The following LARS2 variants were observed in gnomAD, a reference collection of about 807,000 sequenced individuals.
LARS2 encodes leucine--tRNA ligase, mitochondrial.
In LARS2, 81 loss-of-function variants were observed where a neutral mutation model predicts 116.6. That is an observed-to-expected ratio of 0.69 (90% CI 0.58 to 0.84). LARS2 has a LOEUF of 0.84. LARS2 is among the 40% of genes least tolerant of loss of function. LARS2 has a pLI of 0.00. For missense variants in LARS2, 968 were observed against 1,114.5 expected (o/e 0.87, Z 1.87); for synonymous variants, 396 against 407.2 (o/e 0.97, Z 0.33).
intron 20 of LARS2, among the ~76,000 whole-genome samples, chr3:45,535,764 ACACCCCCACACCCACAT>A (rs1700695505): frequency 2.8e-5 from 1 of 35,828 alleles, no homozygotes; most frequent in Non-Finnish European, 1.1e-4. Flanking sequence ...ACACACACAC[ACACCCCCACACCCACAT>A]ACACACACAT....
At chr3:45,533,544 C>T (rs1207870911) in intron 20 of LARS2, among the ~76,000 whole-genome samples, 1 of 152,204 alleles carries the variant, frequency 6.6e-6, no homozygotes, top group East Asian at 1.9e-4. Flanking sequence ...CCACTCTCAT[C>T]GCAGAATATA....
chr3:45,422,731 TTC>T (rs774121688), intron 6 of LARS2, among the ~76,000 whole-genome samples: 3 of 152,334 alleles, frequency 2.0e-5, no homozygotes, highest in Non-Finnish European at 2.9e-5. Flanking sequence ...AACAGAAGTT[TTC>T]TCTCATTGTC....
intron 14 of LARS2, among the ~76,000 whole-genome samples, chr3:45,499,454 A>T (rs1008234722): frequency 1.1e-4 from 16 of 139,532 alleles, no homozygotes; most frequent in Non-Finnish European, 1.7e-4. Context: ...AAAGAAAATT[A>T]AAAAAAAAAA....
chr3:45,544,214 G>A (rs1206424748), intron 21 of LARS2, among the ~76,000 whole-genome samples: 9 of 152,214 alleles, frequency 5.9e-5, no homozygotes, highest in Admixed American at 5.2e-4. Flanking sequence ...GCCCACACCA[G>A]GGATACAGAG....
intron 8 of LARS2, among the ~76,000 whole-genome samples, chr3:45,462,199 G>A (rs1699337162): frequency 6.6e-6 from 1 of 152,154 alleles, no homozygotes; most frequent in African/African-American, 2.4e-5. Context: ...GTTCTGGGTT[G>A]TCATCTCAGT....
At chr3:45,417,987 C>A (rs1379689965) in intron 5 of LARS2, among the ~76,000 whole-genome samples, 1 of 152,176 alleles carries the variant, frequency 6.6e-6, no homozygotes, top group East Asian at 1.9e-4. Flanking sequence ...TTTGCCTTCA[C>A]CATTCAGAAG....
intron 7 of LARS2, 68 bp downstream of exon 7, chr3:45,447,048 G>A (rs1699033670): frequency 2.2e-6 from 2 of 914,984 alleles, no homozygotes; most frequent in Non-Finnish European, 1.7e-6. Context: ...TGTAGTAGCA[G>A]CGAAAATGAA....
intron 14 of LARS2, 21 bp downstream of exon 14, chr3:45,496,394 T>C: frequency 6.4e-7 from 1 of 1,557,068 alleles, no homozygotes; most frequent in Non-Finnish European, 8.9e-7. Context: ...CCTGCTGATG[T>C]CTTTGAGCAT....
At chr3:45,507,394 T>C (rs1340670347) in intron 15 of LARS2, among the ~76,000 whole-genome samples, 1 of 152,098 alleles carries the variant, frequency 6.6e-6, no homozygotes, top group Admixed American at 6.6e-5. Flanking sequence ...CAATACATAG[T>C]GAGAGCCTTA....
intron 18 of LARS2, among the ~76,000 whole-genome samples, chr3:45,518,658 T>C (rs1700407912): frequency 1.3e-5 from 2 of 152,168 alleles, no homozygotes; most frequent in South Asian, 4.1e-4. Flanking sequence ...ATGTGAACTA[T>C]TGTGGGTTAA....
intron 1 of LARS2, among the ~76,000 whole-genome samples, chr3:45,389,920 C>T (rs1183765267): frequency 1.3e-5 from 2 of 152,058 alleles, no homozygotes; most frequent in Non-Finnish European, 2.9e-5. Flanking sequence ...GGGCTGAACC[C>T]TAGGAAGTTG....
intron 6 of LARS2, among the ~76,000 whole-genome samples, chr3:45,446,141 C>T (rs775131734): frequency 2.0e-5 from 3 of 152,128 alleles, no homozygotes; most frequent in Admixed American, 6.5e-5. Context: ...TTCATTTCTG[C>T]GTTAGTTTTT....
At chr3:45,474,196 A>G in intron 8 of LARS2, 47 bp from the exon 9 acceptor site, 9 of 1,258,094 alleles carry the variant, frequency 7.2e-6, no homozygotes, top group Non-Finnish European at 1.0e-5. Context: ...CTTTTTCTTA[A>G]ATAAGCCTTG....
intron 21 of LARS2, among the ~76,000 whole-genome samples, chr3:45,545,425 A>G (rs1019426966): frequency 2.6e-5 from 4 of 152,206 alleles, no homozygotes; most frequent in Admixed American, 6.5e-5. Flanking sequence ...AGTGATGTCA[A>G]TGTGCTTCTT....
rs1290630511 is a variant in LARS2, at chr3:45,488,766, T to C, written c.1193T>C (p.Ile398Thr). ...CTGGGCCTGGCCTACTCTGAAGTCA[T>C]TGAAACTTTGCCAGATGGCACAGAG... ...QTLGLAYSEV[I>T]ETLPDGTERL... The change falls in exon 12 of 22, where the codon ATT (isoleucine) becomes ACT (threonine). Residue 398 changes from isoleucine to threonine, a missense_variant. Ile to Thr is a moderately conservative substitution (Grantham distance 89, BLOSUM62 -1). Coordinates refer to ENST00000645846, the MANE Select transcript of LARS2 (RefSeq NM_015340.4). 3 of 1,613,938 alleles carry C rather than the reference T, an allele frequency of 1.9e-6. No homozygotes were observed. Among genetic ancestry groups the C allele is most frequent in the Non-Finnish European group, 2.5e-6 (3 of 1,179,794 alleles).
At chr3:45,448,847 C>T (rs577019047) in intron 7 of LARS2, among the ~76,000 whole-genome samples, 9 of 152,350 alleles carry the variant, frequency 5.9e-5, no homozygotes, top group East Asian at 1.9e-4. Flanking sequence ...AATCTTCCAG[C>T]GTGGGCTTTA....
rs55749404 is a variant in LARS2, at chr3:45,471,040, T to TA, written c.751-3175dup. Among the ~76,000 whole-genome samples the TA allele has an allele frequency of 3.2e-3, 140 of 43,848 alleles. 2 individuals are homozygous for TA. Among genetic ancestry groups the TA allele is most frequent in the African/African-American group, 0.011 (117 of 10,762 alleles). The allele number at this position is 43,848 out of a possible 152,430, so 28.8% of individuals were successfully genotyped here. On this transcript the variant is annotated intron_variant, in intron 8 of 21. Coordinates refer to ENST00000645846, the MANE Select transcript of LARS2 (RefSeq NM_015340.4). ...CCATCTATCACTGTAATTACAACAC[T>TA]AAAAAAAAAAAAAAAAAAAAAAAAA... is the stretch of plus-strand genomic sequence containing the variant.
rs577108737 is a variant in LARS2 at position 45,548,290 on chromosome 3, A to G, written c.*760A>G. 11 of 152,364 alleles carry G rather than the reference A, an allele frequency of 7.2e-5. No homozygotes were observed. The highest frequency in any genetic ancestry group is 2.4e-4 in the African/African-American group (10 of 41,570). 9.4% of individuals were successfully genotyped at this position (152,364 alleles called of 1,614,324 possible). On this transcript the variant is annotated 3_prime_UTR_variant, in exon 22 of 22. Coordinates refer to ENST00000645846, the MANE Select transcript of LARS2 (RefSeq NM_015340.4). The stretch of plus-strand genomic sequence containing the variant: ...CTTCCTCACATGAATGAGGAGCAGC[A>G]AGTCATAACCACTCCCTTGGGTATA...
chr3:45,534,589 A>G (rs931990265), intron 20 of LARS2, among the ~76,000 whole-genome samples: 1 of 152,208 alleles, frequency 6.6e-6, no homozygotes, highest in African/African-American at 2.4e-5. Context: ...GTCAGAAATG[A>G]CCATTCCTAG....
Sources: gnomAD v4.1 joint callset for allele counts (sites outside exome capture counted in the v4.1 genomes callset) on GRCh38, gnomAD v4.1.1 for gene constraint, MANE v1.5 for transcripts, NCBI Gene and HGNC (gene_info 2026-07-23, HGNC 2026-07-21) for gene names.